BCAS3: variants seen among roughly 807,000 people sequenced by gnomAD.
BCAS3 encodes BCAS3 microtubule associated cell migration factor, also known as BCAS4/BCAS3 fusion.
BCAS3 carries 53 observed loss-of-function variants against 116.1 expected under a neutral mutation model. That is an observed-to-expected ratio of 0.46 (90% CI 0.37 to 0.57). The LOEUF is 0.57. BCAS3 is among the 20% of genes least tolerant of loss of function. BCAS3 has a pLI of 0.00. For missense variants in BCAS3, 917 were observed against 1,165.4 expected (o/e 0.79, Z 3.10); for synonymous variants, 391 against 408.2 (o/e 0.96, Z 0.51).
At chr17:60,959,140 ACAAAAG>A (rs2061289927) in intron 14 of BCAS3, among the ~76,000 whole-genome samples, 1 of 151,718 alleles carries the variant, frequency 6.6e-6, no homozygotes, top group African/African-American at 2.4e-5. Context: ...CTCTGTCTCT[ACAAAAG>A]CAAAAAAAAA....
intron 7 of BCAS3, among the ~76,000 whole-genome samples, chr17:60,835,149 A>G (rs1009278732): frequency 6.6e-6 from 1 of 152,014 alleles, no homozygotes; most frequent in Non-Finnish European, 1.5e-5. Flanking sequence ...TGGACATTAA[A>G]TTCATATATC....
chr17:61,016,283 C>T (rs1447035591), intron 16 of BCAS3, among the ~76,000 whole-genome samples: 2 of 152,104 alleles, frequency 1.3e-5, no homozygotes, highest in Admixed American at 1.3e-4. Context: ...ATGGAGAGAA[C>T]CTTAGATGAC....
At chr17:60,939,069 A>G (rs2060092338) in intron 13 of BCAS3, among the ~76,000 whole-genome samples, 1 of 152,328 alleles carries the variant, frequency 6.6e-6, no homozygotes, top group Non-Finnish European at 1.5e-5. Context: ...CACCCAAGGA[A>G]AAGAAAAACA....
In BCAS3 at chr17:61,156,914, C is replaced by T. The variant is rs2077875068; in HGVS notation, c.2425+72350C>T. Among the ~76,000 whole-genome samples, 2 of 152,022 alleles carry T rather than the reference C, an allele frequency of 1.3e-5. No individual in the cohort carries two copies. Among genetic ancestry groups the T allele is most frequent in the Admixed American group, 1.3e-4 (2 of 15,274 alleles). On this transcript the variant is annotated intron_variant, in intron 22 of 23. Coordinates refer to ENST00000407086, the MANE Select transcript of BCAS3 (RefSeq NM_017679.5). The surrounding 1 kb of genome is among the most constrained non-coding windows in gnomAD (Gnocchi z 4.7). The stretch of plus-strand genomic sequence containing the variant: ...TGCAATTATTTTTCCTTTGAAACAA[C>T]ACTTAAAAAAAACAAATTCTACAAC...
rs768203819 is a variant in BCAS3 at position 60,874,785 on chromosome 17, A to G, written c.661+47A>G. 4.3e-6 allele frequency: 5 copies of G among 1,175,434 alleles called. No homozygotes were observed. In the Admixed American group the frequency reaches 8.0e-5, roughly 19 times the overall value. 72.8% of individuals were successfully genotyped at this position (1,175,434 alleles called of 1,614,324 possible). A position where few individuals can be genotyped will look rare whatever the true frequency, so the allele number is the denominator to read the frequency against. ...CTTCTTATGCCTTTGGGTTTATACT[A>G]CTTACTTGACACAATCAGCAAACTA... On this transcript the variant is annotated intron_variant, in intron 9 of 23. Coordinates refer to ENST00000407086, the MANE Select transcript of BCAS3 (RefSeq NM_017679.5).
intron 7 of BCAS3, chr17:60,851,448 C>T (rs775471775): frequency 5.2e-5 from 25 of 480,072 alleles, no homozygotes; most frequent in Non-Finnish European, 8.8e-5. Flanking sequence ...GAGATCGCCG[C>T]GGTTGTCAGC....
Position 61,309,130 on chromosome 17 carries a change from G to A in BCAS3, c.2426-59197G>A, listed in dbSNP as rs184976290. 3.0e-5 allele frequency among the ~76,000 whole-genome samples: 4 copies of A among 133,642 alleles called. No homozygotes were observed. Among genetic ancestry groups the A allele is most frequent in the Admixed American group, 2.1e-4 (3 of 14,400 alleles). 87.7% of individuals were successfully genotyped at this position (133,642 alleles called of 152,430 possible). Reference sequence around the variant, plus strand: ...GGGTTAGTTCCCTACCTCCATGCCCGTCAAGGAGTAATACTTTTTTCAGCC... The same window carrying A: ...GGGTTAGTTCCCTACCTCCATGCCCATCAAGGAGTAATACTTTTTTCAGCC... On this transcript the variant is annotated intron_variant, in intron 22 of 23. Coordinates refer to ENST00000407086, the MANE Select transcript of BCAS3 (RefSeq NM_017679.5). The surrounding 1 kb of genome is among the most constrained non-coding windows in gnomAD (Gnocchi z 4.6).
At chr17:61,120,657 T>C (rs933068566) in intron 22 of BCAS3, among the ~76,000 whole-genome samples, 5 of 152,076 alleles carry the variant, frequency 3.3e-5, no homozygotes, top group Non-Finnish European at 5.9e-5. Flanking sequence ...TTGAAGCAAA[T>C]CCAGATGTCA....
intron 22 of BCAS3, among the ~76,000 whole-genome samples, chr17:61,168,707 G>C (rs1023302119): frequency 6.6e-6 from 1 of 152,202 alleles, no homozygotes; most frequent in Non-Finnish European, 1.5e-5. Flanking sequence ...TGTGCTGCAA[G>C]ATCTGAGTCA....
chr17:61,345,595 C>T (rs1315119981), intron 22 of BCAS3, among the ~76,000 whole-genome samples: 1 of 152,202 alleles, frequency 6.6e-6, no homozygotes, highest in Non-Finnish European at 1.5e-5. Context: ...CCATTTGACA[C>T]AGCATGTGCG....
intron 22 of BCAS3, among the ~76,000 whole-genome samples, chr17:61,170,454 G>A (rs772350504): frequency 6.6e-6 from 1 of 151,772 alleles, no homozygotes; most frequent in Admixed American, 6.6e-5. Context: ...CACCACGCCC[G>A]GCTAATTTTT....
intron 23 of BCAS3, among the ~76,000 whole-genome samples, chr17:61,369,180 C>A (rs3785841): frequency 6.6e-6 from 1 of 151,880 alleles, no homozygotes; most frequent in South Asian, 2.1e-4. Context: ...CTCTTCTTTC[C>A]AAAACCCTTC....
chr17:60,990,227 C>G lies in BCAS3; in HGVS notation c.1478C>G (p.Pro493Arg). The change falls in exon 15 of 24, where the codon CCC (proline) becomes CGC (arginine). Residue 493 changes from proline (P) to arginine (R), a missense_variant. By Grantham distance (103) the Pro-to-Arg change is moderately radical. This residue lies in a region of BCAS3 where 807 missense variants were observed against 1,026.0 expected (regional missense o/e 0.79). Transcript: ENST00000407086. This position sits in a 1 kb window ranked among gnomAD's most constrained non-coding sequence, Gnocchi z 5.1. ...CTATCAAGCAGCCCTTCTGGGTCAC[C>G]CTTGCATGGTAATTTTCTCTGTCTC... ...PGLSSSPSGS[P>R]LHGKLNSQDS... 1.2e-6 allele frequency: 2 copies of G among 1,612,648 alleles called. No homozygotes were observed. Among genetic ancestry groups the G allele is most frequent in the Admixed American group, 1.7e-5 (1 of 60,004 alleles).
At chr17:60,792,145 A>G (rs2046824957) in intron 6 of BCAS3, among the ~76,000 whole-genome samples, 1 of 152,126 alleles carries the variant, frequency 6.6e-6, no homozygotes, top group African/African-American at 2.4e-5. Context: ...CAAACAAACA[A>G]AAATCCCCGT....
intron 22 of BCAS3, among the ~76,000 whole-genome samples, chr17:61,174,829 A>G (rs2079048022): frequency 6.6e-6 from 1 of 152,218 alleles, no homozygotes; most frequent in Non-Finnish European, 1.5e-5. Flanking sequence ...TCTTGTAGGG[A>G]ATACACTCGA....
chr17:61,329,173 G>A (rs1455427189), intron 22 of BCAS3, among the ~76,000 whole-genome samples: 2 of 151,758 alleles, frequency 1.3e-5, no homozygotes, highest in Non-Finnish European at 2.9e-5. Context: ...TGGGATTACA[G>A]GCGCCTGGCC....
rs917477574 is a variant in BCAS3, at chr17:61,367,284, G to A, written c.2426-1043G>A. Among the ~76,000 whole-genome samples, 1 of 152,244 alleles carries A rather than the reference G, an allele frequency of 6.6e-6. No individual in the cohort carries two copies. The highest frequency in any genetic ancestry group is 6.5e-5 in the Admixed American group (1 of 15,286). ...TGGATTCAGTTACCTAATCGCTGGG[G>A]AAATGGTATGTGCTTAAAGCAACAG... is the stretch of plus-strand genomic sequence containing the variant. On this transcript the variant is annotated intron_variant, in intron 22 of 23. Coordinates refer to ENST00000407086, the MANE Select transcript of BCAS3 (RefSeq NM_017679.5). This position sits in a 1 kb window ranked among gnomAD's most constrained non-coding sequence, Gnocchi z 6.2.
rs149745580 is a variant in BCAS3, at chr17:61,126,836, G to A, written c.2425+42272G>A. Among the ~76,000 whole-genome samples, 4 of 152,124 alleles carry A rather than the reference G, an allele frequency of 2.6e-5. No homozygotes were observed. The East Asian group carries it at 7.7e-4, about 29-fold the overall frequency. ...TCACGACTAGGGGATTTTTCTTTGTGGGAAAAATATTACAACCGTATCATT... is the reference window on the plus strand; with the variant it reads ...TCACGACTAGGGGATTTTTCTTTGTAGGAAAAATATTACAACCGTATCATT... On this transcript the variant is annotated intron_variant, in intron 22 of 23. Coordinates refer to ENST00000407086, the MANE Select transcript of BCAS3 (RefSeq NM_017679.5). This position sits in a 1 kb window ranked among gnomAD's most constrained non-coding sequence, Gnocchi z 4.6.
chr17:61,210,157 A>G (rs942007876), intron 22 of BCAS3, among the ~76,000 whole-genome samples: 1 of 152,246 alleles, frequency 6.6e-6, no homozygotes, highest in African/African-American at 2.4e-5. Flanking sequence ...CACAAAAAAT[A>G]TAGAATTGGA....
Sources: gnomAD v4.1 joint callset for allele counts (sites outside exome capture counted in the v4.1 genomes callset) on GRCh38, gnomAD v4.1.1 for gene constraint, gnomAD v4.1.1 regional missense constraint, Gnocchi (gnomAD v3.1) non-coding constraint, MANE v1.5 for transcripts, NCBI Gene and HGNC (gene_info 2026-07-23, HGNC 2026-07-21) for gene names.